The following TPD52L1 variants were observed in gnomAD, a reference collection of about 807,000 sequenced individuals.
TPD52L1 encodes TPD52 like 1.
A neutral mutation model predicts 28.7 loss-of-function variants in TPD52L1; 18 were observed. The ratio of observed to expected loss-of-function variants is 0.63; its 90% confidence interval spans 0.43 to 0.93. TPD52L1 has a LOEUF of 0.93. TPD52L1 is among the 40% of genes least tolerant of loss of function. The pLI, the probability that TPD52L1 is intolerant of heterozygous loss-of-function variation, is 0.00. For synonymous variants in TPD52L1, 75 were observed against 88.8 expected (o/e 0.84, Z 0.88); for missense variants, 203 against 254.8 (o/e 0.80, Z 1.39).
chr6:125,203,816 T>C, intron 1 of TPD52L1: 9 of 984,758 alleles, frequency 9.1e-6, no homozygotes, highest in Non-Finnish European at 1.1e-5. Context: ...GCTTTCATTG[T>C]AGAAAACCTG....
chr6:125,223,708 CAAAAAAAA>C (rs11294390), intron 2 of TPD52L1, among the ~76,000 whole-genome samples: 6 of 71,486 alleles, frequency 8.4e-5, no homozygotes, highest in Admixed American at 1.8e-4. Context: ...GATTCCATCT[CAAAAAAAA>C]AAAAAAAAAA....
At chr6:125,187,745 GTATGTATAAT>G (rs1313431769) in intron 1 of TPD52L1, among the ~76,000 whole-genome samples, 1 of 152,128 alleles carries the variant, frequency 6.6e-6, no homozygotes, top group East Asian at 1.9e-4. Flanking sequence ...ACTGTAGTGT[GTATGTATAAT>G]TATGTTGTAA....
rs147932724 is a variant in TPD52L1, at chr6:125,169,057, T to C, written c.19+15087T>C. Among the ~76,000 whole-genome samples the C allele has an allele frequency of 5.3e-3, 805 of 152,162 alleles. 2 individuals are homozygous for C. Among genetic ancestry groups the C allele is most frequent in the Non-Finnish European group, 6.9e-3 (466 of 68,012 alleles). On this transcript the variant is annotated intron_variant, in intron 1 of 6. Transcript: ENST00000534000. ...TTCCACCTCCCTTTCTCTCTCTCTCTCAAAGTACCAAGTCCAGTGCTGTAT... is the reference window on the plus strand; with the variant it reads ...TTCCACCTCCCTTTCTCTCTCTCTCCCAAAGTACCAAGTCCAGTGCTGTAT...
At chr6:125,209,282 G>A (rs1794353243) in intron 1 of TPD52L1, among the ~76,000 whole-genome samples, 1 of 152,216 alleles carries the variant, frequency 6.6e-6, no homozygotes, top group African/African-American at 2.4e-5. Flanking sequence ...TTGGAGTAGA[G>A]AACGCCCATC....
chr6:125,203,849 T>C (rs1445567227), intron 1 of TPD52L1: 1 of 937,712 alleles, frequency 1.1e-6, no homozygotes, highest in Non-Finnish European at 1.3e-6. Context: ...CTTGTTCCCT[T>C]GACCTACTTC....
chr6:125,165,797 C>G (rs189989249), intron 1 of TPD52L1, among the ~76,000 whole-genome samples: 60 of 152,156 alleles, frequency 3.9e-4, no homozygotes, highest in African/African-American at 1.4e-3. Context: ...TTAAAAAGAT[C>G]CGTAAAAGTC....
chr6:125,168,246 A>G (rs753230740), intron 1 of TPD52L1, among the ~76,000 whole-genome samples: 1 of 152,168 alleles, frequency 6.6e-6, no homozygotes, highest in Non-Finnish European at 1.5e-5. Context: ...CCTTATTGTG[A>G]CATCTGGCCT....
chr6:125,154,101 A>C, intron 1 of TPD52L1, 131 bp downstream of exon 1: 7 of 1,423,070 alleles, frequency 4.9e-6, no homozygotes, highest in Non-Finnish European at 6.5e-6. Context: ...CTCCACTCCC[A>C]CCCGCGCCTT....
intron 1 of TPD52L1, among the ~76,000 whole-genome samples, chr6:125,172,911 T>C (rs1791590471): frequency 6.6e-6 from 1 of 152,006 alleles, no homozygotes. Flanking sequence ...TTCCTTATTA[T>C]TAGGTAATTG....
intron 3 of TPD52L1, among the ~76,000 whole-genome samples, chr6:125,233,744 T>C (rs1443575764): frequency 6.6e-6 from 1 of 152,238 alleles, no homozygotes; most frequent in Non-Finnish European, 1.5e-5. Flanking sequence ...AAGATGAATT[T>C]TTTATTTCTT....
At chr6:125,172,033 T>TTCCC (rs1434935369) in intron 1 of TPD52L1, among the ~76,000 whole-genome samples, 1 of 151,718 alleles carries the variant, frequency 6.6e-6, no homozygotes, top group Non-Finnish European at 1.5e-5. Flanking sequence ...TACTGCCTCC[T>TTCCC]TCCCTCCCTC....
chr6:125,236,871 C>T (rs1474207463), intron 3 of TPD52L1, among the ~76,000 whole-genome samples: 1 of 152,154 alleles, frequency 6.6e-6, no homozygotes, highest in Non-Finnish European at 1.5e-5. Context: ...GCCCCAGGGA[C>T]CTCTGGCCTT....
intron 1 of TPD52L1, among the ~76,000 whole-genome samples, chr6:125,198,507 G>A (rs1422059498): frequency 6.6e-6 from 1 of 152,136 alleles, no homozygotes; most frequent in East Asian, 1.9e-4. Context: ...AGCTTCCAAA[G>A]CTGAGAATGC....
intron 2 of TPD52L1, among the ~76,000 whole-genome samples, chr6:125,228,579 G>A (rs1255085472): frequency 3.3e-5 from 5 of 152,148 alleles, no homozygotes; most frequent in African/African-American, 1.2e-4. Flanking sequence ...GGTGGCTCAC[G>A]TCTGTAATCC....
rs193010869 is a variant in TPD52L1 at position 125,184,043 on chromosome 6, T to G, written c.19+30073T>G. 7.9e-5 allele frequency among the ~76,000 whole-genome samples: 12 copies of G among 152,284 alleles called. No homozygotes were observed. The East Asian group carries it at 1.7e-3, about 22-fold the overall frequency. ...GAGGATGGAATCCACCCGTCTATTT[T>G]AAACAAGAAGGAATTTGTTACAGAG... On this transcript the variant is annotated intron_variant, in intron 1 of 6. Coordinates refer to ENST00000534000, the MANE Select transcript of TPD52L1 (RefSeq NM_003287.4).
At chr6:125,259,158 A>C (rs1797769363) in intron 6 of TPD52L1, among the ~76,000 whole-genome samples, 1 of 152,358 alleles carries the variant, frequency 6.6e-6, no homozygotes, top group South Asian at 2.1e-4. Context: ...ATGACTCATG[A>C]GTCGGTAAAG....
chr6:125,172,553 A>G (rs1276551669), intron 1 of TPD52L1, among the ~76,000 whole-genome samples: 1 of 63,238 alleles, frequency 1.6e-5, no homozygotes, highest in South Asian at 5.1e-4. Context: ...TATATATATA[A>G]TATATATACT....
At chr6:125,193,885 G>A (rs1007544461) in intron 1 of TPD52L1, among the ~76,000 whole-genome samples, 2 of 152,120 alleles carry the variant, frequency 1.3e-5, no homozygotes, top group East Asian at 1.9e-4. Context: ...GCCCTGGCCC[G>A]GGGCTTCAAG....
At chr6:125,168,925 G>C (rs960250324) in intron 1 of TPD52L1, among the ~76,000 whole-genome samples, 1 of 152,100 alleles carries the variant, frequency 6.6e-6, no homozygotes, top group Non-Finnish European at 1.5e-5. Context: ...CTTTGAATTT[G>C]GATTCCGTTA....
Sources: gnomAD v4.1 joint callset for allele counts (sites outside exome capture counted in the v4.1 genomes callset) on GRCh38, gnomAD v4.1.1 for gene constraint, MANE v1.5 for transcripts, NCBI Gene and HGNC (gene_info 2026-07-23, HGNC 2026-07-21) for gene names.